MERTK: variants seen among roughly 807,000 people sequenced by gnomAD.
MERTK encodes MER proto-oncogene, tyrosine kinase, also known as tyrosine-protein kinase Mer.
In MERTK, 69 loss-of-function variants were observed where a neutral mutation model predicts 99.3. The ratio of observed to expected loss-of-function variants is 0.70; its 90% CI spans 0.57 to 0.85. The LOEUF is 0.85. Ranked by LOEUF, MERTK falls within the 40% of genes least tolerant of loss-of-function variation. MERTK has a pLI of 0.00. For synonymous variants in MERTK, 426 were observed against 467.6 expected, an observed-to-expected ratio of 0.91 and a Z score of 1.15; for missense variants, 1,125 against 1,249.4, an observed-to-expected ratio of 0.90 and a Z score of 1.50.
At chr2:111,955,104 C>A (rs903622826) in intron 4 of MERTK, among the ~76,000 whole-genome samples, 2 of 151,956 alleles carry the variant, frequency 1.3e-5, no homozygotes, top group Non-Finnish European at 2.9e-5. Context: ...GAAATTGACC[C>A]CTAAGTAAAC....
intron 9 of MERTK, chr2:111,996,998 C>T (rs990411353): frequency 2.1e-5 from 7 of 335,262 alleles, no homozygotes; most frequent in East Asian, 6.7e-5. Context: ...TTTTCTTGTA[C>T]GTGTATAATG....
chr2:111,931,736 A>G (rs1028975414), intron 2 of MERTK, among the ~76,000 whole-genome samples: 1 of 152,044 alleles, frequency 6.6e-6, no homozygotes, highest in African/African-American at 2.4e-5. Flanking sequence ...AAAGATTTCA[A>G]GAACAGCAAG....
intron 18 of MERTK, chr2:112,022,625 T>C (rs1677378459): frequency 1.0e-5 from 8 of 764,588 alleles, no homozygotes; most frequent in Middle Eastern, 2.7e-4. Flanking sequence ...CCAAAGGGCC[T>C]CAGTCTCGAA....
intron 4 of MERTK, among the ~76,000 whole-genome samples, chr2:111,961,430 CAG>C (rs1284713918): frequency 1.3e-5 from 2 of 152,076 alleles, no homozygotes; most frequent in African/African-American, 4.8e-5. Context: ...GCTGGGATTA[CAG>C]GCATGAGCCA....
chr2:111,965,353 C>A, intron 5 of MERTK, 76 bp downstream of exon 5: 1 of 1,411,710 alleles, frequency 7.1e-7, no homozygotes, highest in Non-Finnish European at 1.0e-6. Context: ...CAGCTGGCTG[C>A]CTGGGTGTGG....
chr2:111,961,322 G>A (rs374119304), intron 4 of MERTK, among the ~76,000 whole-genome samples: 4 of 151,716 alleles, frequency 2.6e-5, no homozygotes, highest in African/African-American at 7.3e-5. Context: ...CACAACGCCC[G>A]GCTAATTTTT....
At chr2:111,974,936 C>T (rs778731052) in intron 6 of MERTK, among the ~76,000 whole-genome samples, 1 of 152,110 alleles carries the variant, frequency 6.6e-6, no homozygotes, top group Non-Finnish European at 1.5e-5. Context: ...CTGTTGCATA[C>T]TCCATGAAGC....
chr2:111,948,261 T>G lies in MERTK; in HGVS notation c.757+694T>G, dbSNP rs566138947. Among the ~76,000 whole-genome samples the G allele has an allele frequency of 6.1e-4, 93 of 152,292 alleles. 1 individual carries two copies. The highest frequency in any genetic ancestry group is 2.0e-3 in the Admixed American group (31 of 15,304). ...AGGCCTTCAGGACACAGCGTGGACT[T>G]TTGGAAACACTGTCCTGGCTTCCAT... On this transcript the variant is annotated intron_variant, in intron 4 of 18. Coordinates refer to ENST00000295408, the MANE Select transcript of MERTK (RefSeq NM_006343.3).
chr2:111,964,013 T>A (rs1685307558), intron 4 of MERTK, among the ~76,000 whole-genome samples: 1 of 147,300 alleles, frequency 6.8e-6, no homozygotes, highest in African/African-American at 2.5e-5. Flanking sequence ...TCAGGTAGTT[T>A]GTCAGTTTCT....
intron 15 of MERTK, among the ~76,000 whole-genome samples, chr2:112,015,188 A>G (rs1677192432): frequency 6.6e-6 from 1 of 152,208 alleles, no homozygotes; most frequent in Non-Finnish European, 1.5e-5. Context: ...TTTCTAAAGT[A>G]AATGCCCAAG....
At chr2:111,999,365 C>T (rs1676821039) in intron 10 of MERTK, among the ~76,000 whole-genome samples, 1 of 152,150 alleles carries the variant, frequency 6.6e-6, no homozygotes, top group African/African-American at 2.4e-5. Context: ...GTGGTGCATT[C>T]ATGGCTCACT....
At position 112,022,275 on chromosome 2, in the gene MERTK, C is replaced by A. The variant is rs762883726; in HGVS notation, c.2367C>A (p.Thr789=). The A allele has an allele frequency of 6.2e-7, 1 of 1,614,168 alleles. No homozygotes were observed. The highest frequency in any genetic ancestry group is 8.5e-7 in the Non-Finnish European group (1 of 1,180,030). Residue 789 remains threonine (T), a synonymous_variant, in exon 18 of 19, where the codon ACC becomes ACA. Transcript: ENST00000295408. ...GTTCCCAGTGGGCATTTGGCGTGACCATGTGGGAAATAGCTACGCGGGGAA... is the reference window on the plus strand; with the variant it reads ...GTTCCCAGTGGGCATTTGGCGTGACAATGTGGGAAATAGCTACGCGGGGAA... ...SKSDVWAFGV[T]MWEIATRGMT...
chr2:112,015,867 G>A (rs1483098961), intron 15 of MERTK: 1 of 154,216 alleles, frequency 6.5e-6, no homozygotes, highest in Non-Finnish European at 1.5e-5. Context: ...TTTAGTTTAA[G>A]GTTTGCTTTT....
At chr2:112,014,601 G>T (rs552184509) in intron 15 of MERTK, among the ~76,000 whole-genome samples, 1 of 152,016 alleles carries the variant, frequency 6.6e-6, no homozygotes, top group Admixed American at 6.5e-5. Context: ...GTCTATTCAA[G>T]AATGTTACAT....
At chr2:111,970,940 A>G (rs1296089408) in intron 6 of MERTK, among the ~76,000 whole-genome samples, 1 of 151,940 alleles carries the variant, frequency 6.6e-6, no homozygotes, top group Non-Finnish European at 1.5e-5. Context: ...TTAAATATTT[A>G]ATAAAATTTG....
At chr2:111,902,579 T>C (rs1264916360) in intron 1 of MERTK, among the ~76,000 whole-genome samples, 5 of 152,050 alleles carry the variant, frequency 3.3e-5, no homozygotes, top group African/African-American at 1.2e-4. Context: ...CAGTGACTCT[T>C]CCCTCTGGCT....
chr2:111,900,505 A>C lies in MERTK; in HGVS notation c.61+1709A>C, dbSNP rs182508245. Among the ~76,000 whole-genome samples the C allele has an allele frequency of 7.2e-5, 11 of 152,330 alleles. No homozygotes were observed. The East Asian group carries it at 2.1e-3, about 29-fold the overall frequency. ...TCTTGGAGGTAGTGAATGTGGTGAG[A>C]ACTATGGAGAAAGTAATGGGAACAA... On this transcript the variant is annotated intron_variant, in intron 1 of 18. Coordinates refer to ENST00000295408, the MANE Select transcript of MERTK (RefSeq NM_006343.3).
At position 112,029,076 on chromosome 2, in the gene MERTK, G is replaced by A; in HGVS notation, c.*212G>A. On this transcript the variant is annotated 3_prime_UTR_variant, in exon 19 of 19. Transcript: ENST00000295408. ...AAAATATGTGTATATCATGGAAAAA[G>A]ACAAGGATATTTTAATAAAACATTA... The A allele has an allele frequency of 7.9e-7, 1 of 1,271,808 alleles. No individual in the cohort carries two copies. Among genetic ancestry groups the A allele is most frequent in the Non-Finnish European group, 1.0e-6 (1 of 1,001,428 alleles). 78.8% of individuals were successfully genotyped at this position (1,271,808 alleles called of 1,614,324 possible). A position where few individuals can be genotyped will look rare whatever the true frequency, so the allele number is the denominator to read the frequency against.
At chr2:111,978,172 G>T (rs1249374078) in intron 7 of MERTK, among the ~76,000 whole-genome samples, 3 of 145,002 alleles carry the variant, frequency 2.1e-5, no homozygotes, top group African/African-American at 5.1e-5. Context: ...TTTTTGAGAT[G>T]GAGTTTCACT....
Sources: allele counts gnomAD v4.1 joint callset (sites outside exome capture counted in the v4.1 genomes callset), GRCh38; gene constraint gnomAD v4.1.1; transcripts MANE v1.5; gene names NCBI Gene and HGNC (gene_info 2026-07-23, HGNC 2026-07-21).